The following ZNF385D variants were observed in gnomAD, a reference collection of about 807,000 sequenced individuals.
ZNF385D encodes zinc finger protein 385D.
ZNF385D carries 15 observed loss-of-function variants against 35.8 expected under a neutral mutation model. The observed-to-expected ratio is 0.42, with a 90% CI of 0.28 to 0.64. The LOEUF (loss-of-function observed/expected upper bound fraction) is 0.64. Among genes scored for constraint, ZNF385D ranks in the 30% least tolerant of loss-of-function variants. The probability of loss-of-function intolerance (pLI) is 0.23; values close to 1 mark genes in which losing one functional copy is unlikely to be tolerated. For synonymous variants in ZNF385D, 212 were observed against 186.8 expected (o/e 1.13, Z -1.10); for missense variants, 474 against 494.6 (o/e 0.96, Z 0.39).
intron 2 of ZNF385D, among the ~76,000 whole-genome samples, chr3:22,193,336 C>A (rs1257516245): frequency 6.6e-6 from 1 of 151,982 alleles, no homozygotes; most frequent in South Asian, 2.1e-4. Flanking sequence ...TGTTTGTACA[C>A]ATTTTTCTAT....
chr3:22,214,055 C>G (rs1455983435), intron 2 of ZNF385D, among the ~76,000 whole-genome samples: 2 of 152,074 alleles, frequency 1.3e-5, no homozygotes, highest in African/African-American at 2.4e-5. Context: ...CTATGTGTTG[C>G]TGGAAGTCAG....
rs1377698939 is a variant in ZNF385D at position 22,053,199 on chromosome 3, C to G, written c.325+115618G>C. On this transcript the variant is annotated intron_variant, in intron 3 of 5. Transcript: ENST00000494108. ...GAGCCAGGTGTGGGATATAGTCTCACAATTAAAAGAACTAGAAAAGCAAGA... is the reference window on the plus strand; with the variant it reads ...GAGCCAGGTGTGGGATATAGTCTCAGAATTAAAAGAACTAGAAAAGCAAGA... 4.5e-5 allele frequency among the ~76,000 whole-genome samples: 4 copies of G among 89,380 alleles called. 1 individual carries two copies. Among genetic ancestry groups the G allele is most frequent in the Non-Finnish European group, 9.3e-5 (4 of 43,032 alleles). 58.6% of individuals were successfully genotyped at this position (89,380 alleles called of 152,430 possible).
chr3:22,059,763 T>C (rs115244164), intron 3 of ZNF385D, among the ~76,000 whole-genome samples: 3,484 of 152,284 alleles, frequency 0.023, 85 homozygotes, highest in African/African-American at 0.061. Flanking sequence ...TAATAGATGC[T>C]TGTGAGGGTT....
intron 2 of ZNF385D, among the ~76,000 whole-genome samples, chr3:22,340,734 C>G (rs1005161346): frequency 6.6e-6 from 1 of 152,258 alleles, no homozygotes; most frequent in East Asian, 1.9e-4. Flanking sequence ...TTCCTAGTGT[C>G]TCCTTACATT....
intron 2 of ZNF385D, among the ~76,000 whole-genome samples, chr3:21,610,408 G>T (rs2125787581): frequency 6.6e-6 from 1 of 152,234 alleles, no homozygotes; most frequent in Non-Finnish European, 1.5e-5. Context: ...CCCATAATAG[G>T]TCTACTGTGA....
intron 2 of ZNF385D, among the ~76,000 whole-genome samples, chr3:22,335,041 T>C (rs998769303): frequency 1.3e-5 from 2 of 152,198 alleles, no homozygotes; most frequent in African/African-American, 4.8e-5. Flanking sequence ...TGCCAGGCAC[T>C]GGAAAGATCA....
chr3:21,490,806 C>T lies in ZNF385D; in HGVS notation c.439+20055G>A, dbSNP rs569698874. Among the ~76,000 whole-genome samples, 157 of 142,514 alleles carry T rather than the reference C, an allele frequency of 1.1e-3. 1 individual carries two copies. The highest frequency in any genetic ancestry group is 4.0e-3 in the African/African-American group (151 of 37,980). The allele number at this position is 142,514 out of a possible 152,430, so 93.5% of individuals were successfully genotyped here. A position where few individuals can be genotyped will look rare whatever the true frequency, so the allele number is the denominator to read the frequency against. ...CTTCATATGTAGTTATAAATTAATG[C>T]GTACAGTGATACCTCATTTCAAGTT... is the stretch of plus-strand genomic sequence containing the variant. On this transcript the variant is annotated intron_variant, in intron 4 of 7. Coordinates refer to ENST00000281523, the MANE Select transcript of ZNF385D (RefSeq NM_024697.3).
chr3:21,968,638 G>C (rs2125334977), intron 3 of ZNF385D, among the ~76,000 whole-genome samples: 1 of 152,276 alleles, frequency 6.6e-6, no homozygotes. Context: ...CCACTGTCTT[G>C]AAGCAAAGGG....
rs115735422 is a variant in ZNF385D, at chr3:22,208,459, A to G, written c.107-39424T>C. 7.1e-3 allele frequency among the ~76,000 whole-genome samples: 1,033 copies of G among 145,244 alleles called. 12 individuals are homozygous for G. The highest frequency in any genetic ancestry group is 0.022 in the African/African-American group (909 of 40,498). On this transcript the variant is annotated intron_variant, in intron 2 of 5. Transcript: ENST00000494108. ...AGGCTGGCAAGTGTGGGGTGGGTAGATGGGTGGGGGGTTAACCGAGTTGGT... is the reference window on the plus strand; with the variant it reads ...AGGCTGGCAAGTGTGGGGTGGGTAGGTGGGTGGGGGGTTAACCGAGTTGGT...
chr3:21,623,116 A>AT (rs1443666987), intron 2 of ZNF385D, among the ~76,000 whole-genome samples: 1 of 152,054 alleles, frequency 6.6e-6, no homozygotes, highest in African/African-American at 2.4e-5. Context: ...TGCCTGTGTG[A>AT]TTTTGGCTCT....
At chr3:22,131,824 TATGAAAGA>T (rs1321321127) in intron 3 of ZNF385D, among the ~76,000 whole-genome samples, 1 of 152,140 alleles carries the variant, frequency 6.6e-6, no homozygotes, top group Non-Finnish European at 1.5e-5. Flanking sequence ...TAAGGGAAAG[TATGAAAGA>T]ATCATCCAGT....
At chr3:22,217,889 G>C (rs530528178) in intron 2 of ZNF385D, among the ~76,000 whole-genome samples, 1 of 152,162 alleles carries the variant, frequency 6.6e-6, no homozygotes, top group African/African-American at 2.4e-5. Flanking sequence ...TGCAGGAAAG[G>C]GAATGTATTC....
intron 4 of ZNF385D, among the ~76,000 whole-genome samples, chr3:21,494,530 A>G (rs755531587): frequency 6.6e-5 from 10 of 152,204 alleles, no homozygotes; most frequent in Admixed American, 2.0e-4. Context: ...AACAGGAGAC[A>G]GCAAGGCAAA....
intron 1 of ZNF385D, among the ~76,000 whole-genome samples, chr3:21,713,694 T>C (rs1037748452): frequency 1.3e-5 from 2 of 152,160 alleles, no homozygotes; most frequent in Non-Finnish European, 2.9e-5. Flanking sequence ...ATATGTCCAG[T>C]TCACTGGAGT....
At chr3:21,847,964 A>G (rs1696122189) in intron 3 of ZNF385D, among the ~76,000 whole-genome samples, 1 of 151,934 alleles carries the variant, frequency 6.6e-6, no homozygotes, top group Non-Finnish European at 1.5e-5. Context: ...CAATTTTTAT[A>G]TCTGTTGATT....
In ZNF385D at chr3:22,077,696, T is replaced by C. The variant is rs548040699; in HGVS notation, c.325+91121A>G. Among the ~76,000 whole-genome samples, 5 of 152,154 alleles carry C rather than the reference T, an allele frequency of 3.3e-5. No homozygotes were observed. The East Asian group carries it at 9.6e-4, about 29-fold the overall frequency. Reference sequence around the variant, plus strand: ...AATGATTTCCCTCATACAGAGATGCTTCTCGGCAGATGTTTTAGAGTGCAG... The same window carrying C: ...AATGATTTCCCTCATACAGAGATGCCTCTCGGCAGATGTTTTAGAGTGCAG... On this transcript the variant is annotated intron_variant, in intron 3 of 5. Coordinates refer to the ZNF385D transcript ENST00000494108.
At chr3:22,257,330 A>G (rs1700367008) in intron 2 of ZNF385D, among the ~76,000 whole-genome samples, 1 of 151,792 alleles carries the variant, frequency 6.6e-6, no homozygotes, top group Non-Finnish European at 1.5e-5. Flanking sequence ...AATTAAGGAA[A>G]CCACCATCAA....
At chr3:22,248,975 T>C (rs980212419) in intron 2 of ZNF385D, among the ~76,000 whole-genome samples, 1 of 152,176 alleles carries the variant, frequency 6.6e-6, no homozygotes, top group Non-Finnish European at 1.5e-5. Context: ...AGAGGTCACC[T>C]GTAAGTATTC....
intron 3 of ZNF385D, among the ~76,000 whole-genome samples, chr3:22,140,504 A>T (rs374559517): frequency 1.3e-5 from 2 of 152,154 alleles, no homozygotes; most frequent in Non-Finnish European, 2.9e-5. Context: ...TATCTATGTG[A>T]TAAAATTTCA....
Sources: gnomAD v4.1 joint callset for allele counts (sites outside exome capture counted in the v4.1 genomes callset) on GRCh38, gnomAD v4.1.1 for gene constraint, MANE v1.5 for transcripts, NCBI Gene and HGNC (gene_info 2026-07-23, HGNC 2026-07-21) for gene names.